The following PPDPFL variants were observed in gnomAD, a reference collection of about 807,000 sequenced individuals.
The protein encoded by PPDPFL is pancreatic progenitor cell differentiation and proliferation factor like, also known as pancreatic progenitor cell differentiation and proliferation factor-like protein.
PPDPFL carries 12 observed loss-of-function variants against 12.6 expected under a neutral mutation model. The ratio of observed to expected loss-of-function variants is 0.95; its 90% CI spans 0.61 to 1.54. The LOEUF is 1.54. Among genes scored for constraint, PPDPFL ranks in the 40% most tolerant of loss-of-function variants. The probability of loss-of-function intolerance (pLI) is 0.00; values close to 1 mark genes in which losing one functional copy is unlikely to be tolerated. For synonymous variants in PPDPFL, 24 were observed against 32.7 expected, an observed-to-expected ratio of 0.73 and a Z score of 0.91; for missense variants, 114 against 96.0, an observed-to-expected ratio of 1.19 and a Z score of -0.78.
intron 1 of PPDPFL, among the ~76,000 whole-genome samples, chr8:49,057,283 G>A (rs891601379): frequency 2.0e-5 from 3 of 152,084 alleles, no homozygotes; most frequent in Non-Finnish European, 4.4e-5. Flanking sequence ...TCTGAATGAA[G>A]GGTCGTGAAT....
At chr8:49,072,209 A>T (rs1808402303), upstream of PPDPFL, 1 of 152,424 alleles carries the variant, frequency 6.6e-6, no homozygotes, top group Non-Finnish European at 1.5e-5. Context: ...GGCAGGCTGG[A>T]GGGCAGACGT....
chr8:49,073,497 T>C (rs980750923), intron 2 of PPDPFL, among the ~76,000 whole-genome samples: 1 of 152,236 alleles, frequency 6.6e-6, no homozygotes, highest in African/African-American at 2.4e-5. Context: ...GTTTGTAGTA[T>C]AAGTGTTAGA....
chr8:49,072,667 C>T, intron 1 of PPDPFL, 120 bp from the exon 2 acceptor site: 1 of 500,960 alleles, frequency 2.0e-6, no homozygotes, highest in Non-Finnish European at 3.5e-6. Flanking sequence ...CATTTAAATT[C>T]CTTTTATCAT....
upstream of PPDPFL, among the ~76,000 whole-genome samples, chr8:49,069,319 CAT>C (rs1808344736): frequency 6.6e-6 from 1 of 152,146 alleles, no homozygotes; most frequent in Non-Finnish European, 1.5e-5. Flanking sequence ...CTAGCAGACA[CAT>C]GTAACATAAT....
At chr8:49,064,249 T>G (rs1808258668) in intron 1 of PPDPFL, among the ~76,000 whole-genome samples, 1 of 152,074 alleles carries the variant, frequency 6.6e-6, no homozygotes, top group African/African-American at 2.4e-5. Flanking sequence ...AAAAGATGTG[T>G]GACCAGTGGT....
chr8:49,075,080 T>C, intron 4 of PPDPFL, 72 bp from the exon 5 acceptor site: 1 of 1,571,576 alleles, frequency 6.4e-7, no homozygotes, highest in Non-Finnish European at 8.6e-7. Flanking sequence ...ATCAAGTTTA[T>C]TCATTTGAAT....
intron 1 of PPDPFL, among the ~76,000 whole-genome samples, chr8:49,065,035 C>T (rs1808272948): frequency 6.6e-6 from 1 of 152,152 alleles, no homozygotes; most frequent in Non-Finnish European, 1.5e-5. Context: ...TTATCCAACT[C>T]ACTGGGTGTA....
chr8:49,062,628 A>G (rs556902298), intron 1 of PPDPFL, among the ~76,000 whole-genome samples: 10 of 152,314 alleles, frequency 6.6e-5, no homozygotes, highest in Non-Finnish European at 8.8e-5. Flanking sequence ...AAGATCCCCC[A>G]AGAAGGGTCA....
intron 1 of PPDPFL, among the ~76,000 whole-genome samples, chr8:49,056,460 G>C (rs932810524): frequency 1.3e-5 from 2 of 152,010 alleles, no homozygotes; most frequent in Non-Finnish European, 2.9e-5. Context: ...TTCTTTACTG[G>C]AAGTTATATT....
In PPDPFL at chr8:49,075,219, T is replaced by C; in HGVS notation, c.*46T>C. 1 of 1,614,012 alleles carries C rather than the reference T, an allele frequency of 6.2e-7. No homozygotes were observed. The highest frequency in any genetic ancestry group is 8.5e-7 in the Non-Finnish European group (1 of 1,179,870). ...ATTTGATGAACATGTTGGTAACGGT[T>C]GCCTGCCTTATGTAGCATGAACAGT... On this transcript the variant is annotated 3_prime_UTR_variant, in exon 5 of 5. Coordinates refer to ENST00000522267, the MANE Select transcript of PPDPFL (RefSeq NM_001256597.2).
In PPDPFL at chr8:49,075,149, C is replaced by G. The variant is rs1468201848; in HGVS notation, c.234-3C>G. 6.2e-7 allele frequency: 1 copy of G among 1,613,236 alleles called. No homozygotes were observed. The highest frequency in any genetic ancestry group is 1.1e-5 in the South Asian group (1 of 91,064). On this transcript the variant is annotated splice_polypyrimidine_tract_variant and splice_region_variant and intron_variant, in intron 4 of 4. Coordinates refer to ENST00000522267, the MANE Select transcript of PPDPFL (RefSeq NM_001256597.2). Reference sequence around the variant, plus strand: ...CTCTCTGACTACTATAAAATCAACCCAGATTACAGATGAGCACTTTGTAGC... The same window carrying G: ...CTCTCTGACTACTATAAAATCAACCGAGATTACAGATGAGCACTTTGTAGC...
chr8:49,063,049 T>C (rs550318602), intron 1 of PPDPFL, among the ~76,000 whole-genome samples: 1 of 152,296 alleles, frequency 6.6e-6, no homozygotes, highest in Admixed American at 6.5e-5. Flanking sequence ...ACATGACATT[T>C]TGAGGACTTC....
rs555311398 is a variant in PPDPFL at position 49,057,959 on chromosome 8, A to C, written c.-45+3590A>C. Among the ~76,000 whole-genome samples, 15 of 152,316 alleles carry C rather than the reference A, an allele frequency of 9.8e-5. No homozygotes were observed. In the East Asian group the frequency reaches 2.9e-3, roughly 29 times the overall value. ...TATATAACATTTTGAAGAACACTTA[A>C]ATTTTAATAACACTATTATTATAAG... On this transcript the variant is annotated intron_variant, in intron 1 of 4. Coordinates refer to the PPDPFL transcript ENST00000517663.
At chr8:49,071,733 T>C (rs1436462654), upstream of PPDPFL, among the ~76,000 whole-genome samples, 2 of 152,194 alleles carry the variant, frequency 1.3e-5, no homozygotes, top group Non-Finnish European at 2.9e-5. Flanking sequence ...TTAGCTTTTG[T>C]ATCAGTAAAT....
upstream of PPDPFL, among the ~76,000 whole-genome samples, chr8:49,070,618 G>C (rs543744223): frequency 6.6e-6 from 1 of 152,126 alleles, no homozygotes; most frequent in African/African-American, 2.4e-5. Flanking sequence ...GTAGACAAAG[G>C]TGTAGCAAAA....
intron 1 of PPDPFL, among the ~76,000 whole-genome samples, chr8:49,061,422 T>A (rs1808200202): frequency 6.6e-6 from 1 of 152,190 alleles, no homozygotes; most frequent in Non-Finnish European, 1.5e-5. Flanking sequence ...GTCTCTTGTT[T>A]AAGTCCCCCA....
At chr8:49,073,914 T>C in intron 2 of PPDPFL, 145 bp from the exon 3 acceptor site, 1 of 618,874 alleles carries the variant, frequency 1.6e-6, no homozygotes, top group Non-Finnish European at 2.8e-6. Flanking sequence ...GATTGGTAAT[T>C]TGATCAGTTT....
At chr8:49,068,408 C>A (rs903584960), upstream of PPDPFL, among the ~76,000 whole-genome samples, 2 of 152,086 alleles carry the variant, frequency 1.3e-5, no homozygotes, top group Non-Finnish European at 2.9e-5. Flanking sequence ...AATGAACCTG[C>A]AAACTGACAG....
At chr8:49,056,920 C>A (rs1254965448) in intron 1 of PPDPFL, among the ~76,000 whole-genome samples, 1 of 152,126 alleles carries the variant, frequency 6.6e-6, no homozygotes, top group Non-Finnish European at 1.5e-5. Flanking sequence ...TTGAACCATA[C>A]CTTGCAAAAT....
Sources: allele counts gnomAD v4.1 joint callset (sites outside exome capture counted in the v4.1 genomes callset), GRCh38; gene constraint gnomAD v4.1.1; transcripts MANE v1.5; gene names NCBI Gene and HGNC (gene_info 2026-07-23, HGNC 2026-07-21).